The following SLC29A1 variants were observed in gnomAD, a reference collection of about 807,000 sequenced individuals.
SLC29A1 encodes the protein equilibrative nucleoside transporter 1.
In SLC29A1, 22 loss-of-function variants were observed where a neutral mutation model predicts 48.3. The observed-to-expected ratio is 0.46, with a 90% CI of 0.33 to 0.65. The LOEUF (loss-of-function observed/expected upper bound fraction) is 0.65. Ranked by LOEUF, SLC29A1 falls within the 30% of genes least tolerant of loss-of-function variation. The probability of loss-of-function intolerance (pLI) is 0.03; values close to 1 mark genes in which losing one functional copy is unlikely to be tolerated. For synonymous variants in SLC29A1, 228 were observed against 231.0 expected, an observed-to-expected ratio of 0.99 and a Z score of 0.12; for missense variants, 491 against 575.3, an observed-to-expected ratio of 0.85 and a Z score of 1.50.
rs774075393 is a variant in SLC29A1 at position 44,232,907 on chromosome 6, CTG to C, written c.1163_1164del (p.Val388GlyfsTer38). ...AACATTAAGCCCCGCCGCTACCTGA[CTG>C]TGGTCTTCGAGCACGATGCCTGGTT... On this transcript the variant is annotated frameshift_variant, in exon 12 of 13. Coordinates refer to ENST00000371755, the MANE Select transcript of SLC29A1 (RefSeq NM_001372327.1). LOFTEE classifies it high-confidence loss of function. The surrounding 1 kb of genome is among the most constrained non-coding windows in gnomAD (Gnocchi z 4.7). 1.9e-6 allele frequency: 3 copies of C among 1,614,228 alleles called. No individual in the cohort carries two copies. Among genetic ancestry groups the C allele is most frequent in the Non-Finnish European group, 1.7e-6 (2 of 1,180,052 alleles).
chr6:44,233,066 G>A lies in SLC29A1; in HGVS notation c.1259+60G>A, dbSNP rs368827857. 2.2e-3 allele frequency: 3,344 copies of A among 1,534,820 alleles called. 43 individuals carry two copies. The South Asian group carries it at 0.024, about 11-fold the overall frequency. On this transcript the variant is annotated intron_variant, in intron 12 of 12. Transcript: ENST00000371755. ...GACAGGATCTAGAGTTCCAGTGGGG[G>A]ACACTCAGTAGAGGGAGGGCAAAAG...
rs909514759 is a variant in SLC29A1, at chr6:44,233,905, G to C, written c.*377G>C. 5.4e-5 allele frequency: 13 copies of C among 242,086 alleles called. No individual in the cohort carries two copies. The highest frequency in any genetic ancestry group is 2.7e-4 in the African/African-American group (12 of 44,038). 15.0% of individuals were successfully genotyped at this position (242,086 alleles called of 1,614,324 possible). The stretch of plus-strand genomic sequence containing the variant: ...GTCTGTCAGACTGTCTGCCTGTCCT[G>C]GGGTGGCTAGGAGCTGGGTCTGACC... On this transcript the variant is annotated 3_prime_UTR_variant, in exon 13 of 13. Coordinates refer to ENST00000371755, the MANE Select transcript of SLC29A1 (RefSeq NM_001372327.1).
Position 44,231,630 on chromosome 6 carries a change from G to A in SLC29A1, c.864+169G>A, listed in dbSNP as rs117757449. 1.1e-3 allele frequency among the ~76,000 whole-genome samples: 165 copies of A among 152,016 alleles called. 2 individuals carry two copies. In the East Asian group the frequency reaches 0.025, roughly 23 times the overall value. The stretch of plus-strand genomic sequence containing the variant: ...GCGTGCGTGCCGGGGGTGGGGATTC[G>A]TGGTTCCTTTTTTTTGAGACAGAGT... On this transcript the variant is annotated intron_variant, in intron 9 of 12. Transcript: ENST00000371755.
chr6:44,230,544 C>T, intron 6 of SLC29A1, 24 bp from the exon 7 acceptor site: 1 of 1,614,024 alleles, frequency 6.2e-7, no homozygotes, highest in South Asian at 1.1e-5. Flanking sequence ...TGGGGCCTGT[C>T]TCTGATCACT....
At chr6:44,227,094 G>T in intron 1 of SLC29A1, 169 bp from the exon 2 acceptor site, 2 of 1,414,138 alleles carry the variant, frequency 1.4e-6, no homozygotes, top group South Asian at 1.5e-5. Context: ...GGGCCAGGGG[G>T]CTGGGTGGGG....
chr6:44,224,624 C>T (rs750295279), intron 1 of SLC29A1, among the ~76,000 whole-genome samples: 3 of 152,178 alleles, frequency 2.0e-5, no homozygotes, highest in Admixed American at 6.5e-5. Context: ...CTGGCCCCAT[C>T]TATTCAGTGC....
At position 44,229,683 on chromosome 6, in the gene SLC29A1, C is replaced by A; in HGVS notation, c.206C>A (p.Pro69His). The A allele has an allele frequency of 6.2e-7, 1 of 1,614,062 alleles. No individual in the cohort carries two copies. Among genetic ancestry groups the A allele is most frequent in the Non-Finnish European group, 8.5e-7 (1 of 1,180,008 alleles). ...DAQASAAPAA[P>H]LPERNSLSAI... ...CAGGCGTCAGCCGCCCCTGCAGCACCCTTGCCTGAGCGGAACTCTCTCAGT... is the reference window on the plus strand; with the variant it reads ...CAGGCGTCAGCCGCCCCTGCAGCACACTTGCCTGAGCGGAACTCTCTCAGT... The change falls in exon 4 of 13, where the codon CCC (proline) becomes CAC (histidine). Residue 69 changes from proline (P) to histidine (H), a missense_variant. By Grantham distance (77) the Pro-to-His change is moderately conservative. Transcript: ENST00000371755. This position sits in a 1 kb window ranked among gnomAD's most constrained non-coding sequence, Gnocchi z 5.1.
chr6:44,232,808 C>A lies in SLC29A1; in HGVS notation c.1061C>A (p.Pro354His). The A allele has an allele frequency of 6.2e-7, 1 of 1,610,180 alleles. No homozygotes were observed. The highest frequency in any genetic ancestry group is 8.5e-7 in the Non-Finnish European group (1 of 1,179,846). ...TGAGGCCCTGCCTGGTGCCCACAGC[C>A]TGGGAAGGACAGCCGCTGGCTGCCA... ...GRSLTAVFMWPGKDSRWLPSL... is the reference protein window; with the variant it reads ...GRSLTAVFMWHGKDSRWLPSL... The change falls in exon 12 of 13, where the codon CCT (proline) becomes CAT (histidine). Residue 354 changes from proline to histidine, a missense_variant and splice_region_variant. Transcript: ENST00000371755. The surrounding 1 kb of genome is among the most constrained non-coding windows in gnomAD (Gnocchi z 4.7).
At chr6:44,230,237 C>G in intron 5 of SLC29A1, 110 bp from the exon 6 acceptor site, 1 of 1,528,738 alleles carries the variant, frequency 6.5e-7, no homozygotes. Context: ...AAGGGCAGCT[C>G]AGCCTCAAGG....
rs965261378 is a variant in SLC29A1 at position 44,226,993 on chromosome 6, G to A, written c.-51-270G>A. 4.4e-5 allele frequency: 53 copies of A among 1,201,536 alleles called. 2 individuals are homozygous for A. In the Middle Eastern group the frequency reaches 2.1e-3, roughly 48 times the overall value. 74.4% of individuals were successfully genotyped at this position (1,201,536 alleles called of 1,614,324 possible). On this transcript the variant is annotated intron_variant, in intron 1 of 12. Coordinates refer to ENST00000371755, the MANE Select transcript of SLC29A1 (RefSeq NM_001372327.1). Reference sequence around the variant, plus strand: ...TGTTTCCCAGCTTATAAACTGCTTCGGCTGCTGGATAAAAATAGCGGTGGC... The same window carrying A: ...TGTTTCCCAGCTTATAAACTGCTTCAGCTGCTGGATAAAAATAGCGGTGGC...
chr6:44,223,579 G>T (rs1052131019), upstream of SLC29A1: 58 of 1,211,998 alleles, frequency 4.8e-5, no homozygotes, highest in Non-Finnish European at 6.0e-5. The surrounding 1 kb of genome is among the most constrained non-coding windows in gnomAD (Gnocchi z 5.0). Context: ...GTGCCCCGGC[G>T]GGAGAGGGAA....
chr6:44,222,875 G>A (rs1034147872), upstream of SLC29A1, among the ~76,000 whole-genome samples: 1 of 152,232 alleles, frequency 6.6e-6, no homozygotes, highest in African/African-American at 2.4e-5. Flanking sequence ...ATTTAGAAAG[G>A]GTGAATTATG....
Position 44,232,540 on chromosome 6 carries a change from G to T in SLC29A1, c.1059+112G>T, listed in dbSNP as rs1486124197. The stretch of plus-strand genomic sequence containing the variant: ...TAAGGGGACCATTTGTTTTAAAGTC[G>T]AGGCATAATTTATGTATAGTTAAGT... On this transcript the variant is annotated intron_variant, in intron 11 of 12. Coordinates refer to ENST00000371755, the MANE Select transcript of SLC29A1 (RefSeq NM_001372327.1). The surrounding 1 kb of genome is among the most constrained non-coding windows in gnomAD (Gnocchi z 4.7). The T allele has an allele frequency of 5.3e-6, 4 of 753,728 alleles. No individual in the cohort carries two copies. The South Asian group carries it at 6.4e-5, about 12-fold the overall frequency. 46.7% of individuals were successfully genotyped at this position (753,728 alleles called of 1,614,324 possible).
At chr6:44,224,005 T>C (rs1042980049) in intron 1 of SLC29A1, 1 of 877,458 alleles carries the variant, frequency 1.1e-6, no homozygotes, top group East Asian at 1.2e-4. Flanking sequence ...CGGAGGGGTA[T>C]GGGGATGGGG....
intron 5 of SLC29A1, 128 bp from the exon 6 acceptor site, chr6:44,230,219 G>A: frequency 2.0e-6 from 3 of 1,486,842 alleles, no homozygotes; most frequent in East Asian, 2.3e-5. Context: ...CTGGGAGGGG[G>A]CAGAGAGAAG....
At chr6:44,227,057 A>AG in intron 1 of SLC29A1, 1 of 1,361,940 alleles carries the variant, frequency 7.3e-7, no homozygotes, top group Non-Finnish European at 9.5e-7. Context: ...CTGAGCAGGC[A>AG]GGGGGGCCGC....
At chr6:44,227,564 CCTGT>C (rs1351884087) in intron 2 of SLC29A1, among the ~76,000 whole-genome samples, 5 of 152,344 alleles carry the variant, frequency 3.3e-5, no homozygotes, top group African/African-American at 4.8e-5. Context: ...CCTTCCCTGG[CCTGT>C]CTGTGTTTCC....
At chr6:44,224,773 G>T (rs1294583995) in intron 1 of SLC29A1, among the ~76,000 whole-genome samples, 1 of 152,176 alleles carries the variant, frequency 6.6e-6, no homozygotes, top group East Asian at 1.9e-4. Flanking sequence ...CAATTTGGTG[G>T]CTACTTTCAG....
In SLC29A1 at chr6:44,227,853, G is replaced by A. The variant is rs187154664; in HGVS notation, c.29+511G>A. On this transcript the variant is annotated intron_variant, in intron 2 of 12. Coordinates refer to ENST00000371755, the MANE Select transcript of SLC29A1 (RefSeq NM_001372327.1). ...TGTAGCTTAATTCAATTTCTCAAAG[G>A]GATCTGGGACCCAAGAAGGCTGAGG... Among the ~76,000 whole-genome samples, 175 of 152,290 alleles carry A rather than the reference G, an allele frequency of 1.1e-3. 1 individual carries two copies. Among genetic ancestry groups the A allele is most frequent in the Middle Eastern group, 6.8e-3 (2 of 294 alleles).
Sources: allele counts gnomAD v4.1 joint callset (sites outside exome capture counted in the v4.1 genomes callset), GRCh38; gene constraint gnomAD v4.1.1; non-coding constraint Gnocchi (gnomAD v3.1); transcripts MANE v1.5; gene names NCBI Gene and HGNC (gene_info 2026-07-23, HGNC 2026-07-21).